The following BTBD8 variants were observed in gnomAD, a reference collection of about 807,000 sequenced individuals.
BTBD8 encodes the protein BTB domain containing 8, also known as BTB/POZ domain-containing protein 8.
Under a neutral mutation model 162.9 loss-of-function variants are expected in BTBD8, and 110 were observed. That is an observed-to-expected ratio of 0.68 (90% CI 0.58 to 0.79). The LOEUF (loss-of-function observed/expected upper bound fraction) is 0.79, where lower values mean the gene tolerates loss of function less well. Ranked by LOEUF, BTBD8 falls within the 30% of genes least tolerant of loss-of-function variation. The pLI, the probability that BTBD8 is intolerant of heterozygous loss-of-function variation, is 0.00. For missense variants in BTBD8, 1,905 were observed against 2,085.4 expected, an observed-to-expected ratio of 0.91 and a Z score of 1.68; for synonymous variants, 667 against 716.1, an observed-to-expected ratio of 0.93 and a Z score of 1.10.
Position 92,167,058 on chromosome 1 carries a change from A to G in BTBD8, c.1223A>G (p.Gln408Arg). 6.4e-7 allele frequency: 1 copy of G among 1,550,688 alleles called. No individual in the cohort carries two copies. Residue 408 changes from glutamine to arginine, a missense_variant, in exon 10 of 18, where the codon CAG (glutamine) becomes CGG (arginine). Around this residue, in one of 3 missense-constraint regions of BTBD8, gnomAD observed 1,374 missense variants for 1,442.7 expected, o/e 0.95. Coordinates refer to ENST00000636805, the MANE Select transcript of BTBD8 (RefSeq NM_001376131.1). ...GAAGCAGCACTGACCATGGCGTCTCAGCTTCAAGAAAAATGTATTGCATTT... is the reference window on the plus strand; with the variant it reads ...GAAGCAGCACTGACCATGGCGTCTCGGCTTCAAGAAAAATGTATTGCATTT... The part of the protein sequence containing the change: ...WTEAALTMAS[Q>R]LQEKCIAFIV...
At chr1:92,182,889 A>G (rs542178144) in intron 17 of BTBD8, among the ~76,000 whole-genome samples, 1 of 152,180 alleles carries the variant, frequency 6.6e-6, no homozygotes, top group African/African-American at 2.4e-5. Flanking sequence ...GCTGCTATTT[A>G]GTTATTTATG....
intron 10 of BTBD8, among the ~76,000 whole-genome samples, chr1:92,167,595 G>A (rs562211209): frequency 1.6e-4 from 24 of 152,216 alleles, no homozygotes; most frequent in Non-Finnish European, 2.4e-4. Flanking sequence ...GTCCAACATG[G>A]CACATGTATA....
chr1:92,128,242 G>T (rs184715282), intron 4 of BTBD8, among the ~76,000 whole-genome samples: 1 of 150,338 alleles, frequency 6.7e-6, no homozygotes, highest in South Asian at 2.1e-4. Flanking sequence ...TCAGCCTCCC[G>T]AGTAGTTGGG....
chr1:92,126,961 C>T (rs995382949), intron 4 of BTBD8, among the ~76,000 whole-genome samples: 1 of 152,060 alleles, frequency 6.6e-6, no homozygotes, highest in Admixed American at 6.5e-5. Flanking sequence ...AAACATCTGC[C>T]TGTAATTAAA....
chr1:92,113,927 G>A (rs1051977333), intron 4 of BTBD8, among the ~76,000 whole-genome samples: 30 of 150,494 alleles, frequency 2.0e-4, no homozygotes, highest in Admixed American at 3.3e-4. Flanking sequence ...CAGGAGAATC[G>A]CTTGAATCCA....
intron 1 of BTBD8, among the ~76,000 whole-genome samples, chr1:92,081,326 T>G (rs1304898578): frequency 3.9e-5 from 6 of 152,210 alleles, no homozygotes; most frequent in Admixed American, 3.9e-4. Context: ...GTAAGCCTCA[T>G]GGATATCCTT....
intron 3 of BTBD8, 25 bp from the exon 4 acceptor site, chr1:92,107,859 T>G (rs747218663): frequency 3.2e-6 from 5 of 1,566,842 alleles, no homozygotes; most frequent in Non-Finnish European, 4.3e-6. Context: ...AAACTATTTT[T>G]TAGTCTTGTT....
At chr1:92,114,781 G>T in intron 4 of BTBD8, 1 of 236,538 alleles carries the variant, frequency 4.2e-6, no homozygotes, top group East Asian at 1.1e-4. Context: ...GCTCTTGCTG[G>T]GGCTGGTGGT....
Position 92,080,552 on chromosome 1 carries a change from G to T in BTBD8, c.-20G>T. On this transcript the variant is annotated 5_prime_UTR_variant, in exon 1 of 18. Coordinates refer to ENST00000636805, the MANE Select transcript of BTBD8 (RefSeq NM_001376131.1). Reference sequence around the variant, plus strand: ...TGAGGCCAAGTACTGGGCCTCCAGGGCGTCGTACCTCTGTGAGACATGGCT... The same window carrying T: ...TGAGGCCAAGTACTGGGCCTCCAGGTCGTCGTACCTCTGTGAGACATGGCT... The T allele has an allele frequency of 6.2e-7, 1 of 1,612,498 alleles. No homozygotes were observed. The highest frequency in any genetic ancestry group is 8.5e-7 in the Non-Finnish European group (1 of 1,179,536).
intron 2 of BTBD8, among the ~76,000 whole-genome samples, chr1:92,098,461 G>A (rs533172852): frequency 3.9e-5 from 6 of 151,928 alleles, no homozygotes; most frequent in Non-Finnish European, 7.4e-5. Flanking sequence ...GGAATTACTG[G>A]GTCATATAGT....
intron 4 of BTBD8, among the ~76,000 whole-genome samples, chr1:92,114,418 T>C (rs1648982317): frequency 6.6e-6 from 1 of 152,104 alleles, no homozygotes; most frequent in Non-Finnish European, 1.5e-5. Context: ...ATATTGTTTT[T>C]ATAATTTAAA....
At chr1:92,175,797 AAAAG>A (rs2100684296) in intron 13 of BTBD8, among the ~76,000 whole-genome samples, 1 of 141,544 alleles carries the variant, frequency 7.1e-6, no homozygotes, top group Non-Finnish European at 1.6e-5. Flanking sequence ...TCTGTCTCAA[AAAAG>A]AAAGAAAAAA....
In BTBD8 at chr1:92,135,351, A is replaced by G. The variant is rs542520015; in HGVS notation, c.753-3999A>G. Among the ~76,000 whole-genome samples the G allele has an allele frequency of 5.3e-4, 80 of 152,260 alleles. 2 individuals carry two copies. In the South Asian group the frequency reaches 0.016, roughly 31 times the overall value. On this transcript the variant is annotated intron_variant, in intron 5 of 17. Transcript: ENST00000636805. Reference sequence around the variant, plus strand: ...CAGGCGTGTGCCACCTCACCCAGATAATTTTTTATTTTTAGTAGAGACAGG... The same window carrying G: ...CAGGCGTGTGCCACCTCACCCAGATGATTTTTTATTTTTAGTAGAGACAGG...
At chr1:92,126,513 C>G (rs1649364589) in intron 4 of BTBD8, 3 of 596,158 alleles carry the variant, frequency 5.0e-6, no homozygotes, top group Admixed American at 2.0e-5. Flanking sequence ...ATCCTCTTCA[C>G]TCATGCAGAC....
intron 4 of BTBD8, chr1:92,115,051 G>T (rs1557444716): frequency 5.5e-6 from 2 of 363,240 alleles, no homozygotes; most frequent in Non-Finnish European, 1.1e-5. Context: ...TATTTGGCTG[G>T]TTTCTCCAGA....
At chr1:92,115,030 T>C (rs750259026) in intron 4 of BTBD8, 1 of 349,852 alleles carries the variant, frequency 2.9e-6, no homozygotes. Context: ...TTTACCACCT[T>C]GATGTCATCA....
At chr1:92,148,001 C>T (rs1464864135) in intron 9 of BTBD8, among the ~76,000 whole-genome samples, 1 of 152,180 alleles carries the variant, frequency 6.6e-6, no homozygotes, top group Admixed American at 6.5e-5. Context: ...AGCAGAACCA[C>T]TAGGATGTGT....
chr1:92,161,900 T>A (rs2100659588), intron 9 of BTBD8, among the ~76,000 whole-genome samples: 2 of 152,312 alleles, frequency 1.3e-5, no homozygotes, highest in South Asian at 4.1e-4. Flanking sequence ...GAAACACAAG[T>A]TTCACAAAAG....
At chr1:92,110,153 G>A (rs976085151) in intron 4 of BTBD8, among the ~76,000 whole-genome samples, 1 of 152,082 alleles carries the variant, frequency 6.6e-6, no homozygotes, top group African/African-American at 2.4e-5. Flanking sequence ...CCCAATCCCC[G>A]GAACACTTTC....
Sources: gnomAD v4.1 joint callset for allele counts (sites outside exome capture counted in the v4.1 genomes callset) on GRCh38, gnomAD v4.1.1 for gene constraint, gnomAD v4.1.1 regional missense constraint, MANE v1.5 for transcripts, NCBI Gene and HGNC (gene_info 2026-07-23, HGNC 2026-07-21) for gene names.